Variants in WWOX observed in about 807,000 individuals in gnomAD.
WWOX encodes the protein WW domain containing oxidoreductase.
In WWOX, 69 loss-of-function variants were observed where a neutral mutation model predicts 46.2. That is an observed-to-expected ratio of 1.49 (90% CI 1.23 to 1.82). The LOEUF is 1.82. WWOX is among the 40% of genes most tolerant of loss of function. The pLI is 0.00. For missense variants in WWOX, 919 were observed against 542.6 expected (o/e 1.69, Z -6.89); for synonymous variants, 359 against 202.6 (o/e 1.77, Z -6.56).
intron 5 of WWOX, among the ~76,000 whole-genome samples, chr16:78,380,066 T>A (rs77229194): frequency 0.01 from 1,590 of 152,328 alleles, 33 homozygotes; most frequent in Non-Finnish European, 1.0e-2. Context: ...AGGTGTCTGT[T>A]AACTGTGCTA....
At chr16:78,750,648 G>T (rs1001468716) in intron 8 of WWOX, among the ~76,000 whole-genome samples, 2 of 151,798 alleles carry the variant, frequency 1.3e-5, no homozygotes, top group African/African-American at 4.8e-5. Context: ...TCCCTCCCTA[G>T]TCCCCCCTTT....
At chr16:78,585,420 C>A (rs1032883401) in intron 8 of WWOX, among the ~76,000 whole-genome samples, 1 of 152,174 alleles carries the variant, frequency 6.6e-6, no homozygotes, top group Non-Finnish European at 1.5e-5. Context: ...TTGACTCTTA[C>A]AGCCTTTGAC....
intron 4 of WWOX, among the ~76,000 whole-genome samples, chr16:78,148,107 G>A (rs1052562246): frequency 6.6e-6 from 1 of 152,188 alleles, no homozygotes; most frequent in Non-Finnish European, 1.5e-5. Context: ...ATAGAATATA[G>A]TGTGCTTACA....
chr16:78,856,230 G>A (rs2052563077), intron 8 of WWOX, among the ~76,000 whole-genome samples: 1 of 152,182 alleles, frequency 6.6e-6, no homozygotes, highest in Admixed American at 6.5e-5. Flanking sequence ...GATTTAGGCA[G>A]GGACTGCGTT....
intron 8 of WWOX, among the ~76,000 whole-genome samples, chr16:78,848,131 A>G (rs980895800): frequency 6.6e-6 from 1 of 152,200 alleles, no homozygotes; most frequent in Non-Finnish European, 1.5e-5. Context: ...CAGAAACTAA[A>G]TATAAGAAAA....
chr16:78,547,949 C>T (rs868160931), intron 8 of WWOX, among the ~76,000 whole-genome samples: 16 of 152,000 alleles, frequency 1.1e-4, no homozygotes, highest in Admixed American at 2.0e-4. Flanking sequence ...GTCAGGAGTT[C>T]GAGACCAGCC....
chr16:78,912,894 A>G (rs991435669), intron 8 of WWOX, among the ~76,000 whole-genome samples: 1 of 151,934 alleles, frequency 6.6e-6, no homozygotes, highest in African/African-American at 2.4e-5. Context: ...CAGCTTGGAA[A>G]ACACTATCCA....
rs141568519 is a variant in WWOX at position 79,040,220 on chromosome 16, T to C, written c.1057-171388T>C. On this transcript the variant is annotated intron_variant, in intron 8 of 8. Coordinates refer to ENST00000566780, the MANE Select transcript of WWOX (RefSeq NM_016373.4). The stretch of plus-strand genomic sequence containing the variant: ...GTATGACCTCCAAGTTCTTTGAACC[T>C]CAAAGAGCCAAGTCCCACATCTCAG... Among the ~76,000 whole-genome samples the C allele has an allele frequency of 8.6e-4, 131 of 151,848 alleles. 1 individual carries two copies. Among genetic ancestry groups the C allele is most frequent in the Non-Finnish European group, 1.6e-3 (110 of 67,952 alleles).
chr16:79,194,675 C>A (rs1277829179), intron 8 of WWOX, among the ~76,000 whole-genome samples: 1 of 152,166 alleles, frequency 6.6e-6, no homozygotes, highest in Non-Finnish European at 1.5e-5. Flanking sequence ...CCTTTCTGTT[C>A]TACAGCCCCC....
At chr16:78,807,116 G>C (rs549162255) in intron 8 of WWOX, among the ~76,000 whole-genome samples, 1 of 152,214 alleles carries the variant, frequency 6.6e-6, no homozygotes. Flanking sequence ...TAAGTCTTTG[G>C]TGGGTCCATG....
chr16:78,768,704 C>A (rs753495909), intron 8 of WWOX, among the ~76,000 whole-genome samples: 7 of 152,008 alleles, frequency 4.6e-5, no homozygotes, highest in Non-Finnish European at 8.8e-5. Context: ...GTTTGTCACT[C>A]TAATTGCCCA....
chr16:78,433,372 C>A (rs568449133), intron 8 of WWOX, among the ~76,000 whole-genome samples: 1 of 152,070 alleles, frequency 6.6e-6, no homozygotes, highest in African/African-American at 2.4e-5. Flanking sequence ...GTTTGGTGTT[C>A]ATTTATCGAC....
intron 8 of WWOX, among the ~76,000 whole-genome samples, chr16:78,554,212 C>G (rs946510298): frequency 4.6e-5 from 7 of 151,994 alleles, no homozygotes; most frequent in South Asian, 2.1e-4. Context: ...GACTTGGTGG[C>G]CAGATGCATG....
chr16:78,212,320 A>C (rs2036584898), intron 5 of WWOX, among the ~76,000 whole-genome samples: 1 of 152,198 alleles, frequency 6.6e-6, no homozygotes, highest in Non-Finnish European at 1.5e-5. Flanking sequence ...CAGAGGAAAC[A>C]ATTTGCATTG....
intron 4 of WWOX, among the ~76,000 whole-genome samples, chr16:78,144,486 T>C (rs111569139): frequency 0.23 from 4,562 of 19,434 alleles, 807 homozygotes; most frequent in African/African-American, 0.31. Flanking sequence ...TATATATATA[T>C]ACACACACAC....
chr16:78,191,103 A>T (rs1451739649), intron 5 of WWOX, among the ~76,000 whole-genome samples: 1 of 152,176 alleles, frequency 6.6e-6, no homozygotes, highest in Non-Finnish European at 1.5e-5. Context: ...GGACTAGACC[A>T]GGCAAGATGA....
intron 8 of WWOX, among the ~76,000 whole-genome samples, chr16:78,723,825 T>A (rs536826834): frequency 2.0e-4 from 30 of 152,198 alleles, no homozygotes; most frequent in African/African-American, 7.0e-4. Flanking sequence ...GCAGTTGATG[T>A]AACAGATAAC....
intron 8 of WWOX, among the ~76,000 whole-genome samples, chr16:79,043,188 G>C (rs1158837111): frequency 6.6e-6 from 1 of 151,712 alleles, no homozygotes; most frequent in Non-Finnish European, 1.5e-5. Flanking sequence ...GGCCACATGA[G>C]TGTTTTTTTA....
chr16:79,041,082 C>T (rs1033273436), intron 8 of WWOX, among the ~76,000 whole-genome samples: 1 of 151,928 alleles, frequency 6.6e-6, no homozygotes, highest in Non-Finnish European at 1.5e-5. Context: ...ATGCAATGTC[C>T]TAATACATGT....
Sources: gnomAD v4.1 joint callset for allele counts (sites outside exome capture counted in the v4.1 genomes callset) on GRCh38, gnomAD v4.1.1 for gene constraint, MANE v1.5 for transcripts, NCBI Gene and HGNC (gene_info 2026-07-23, HGNC 2026-07-21) for gene names.